Variants in TBX18 observed in about 807,000 individuals in gnomAD.
The protein encoded by TBX18 is T-box transcription factor TBX18.
In TBX18, 21 loss-of-function variants were observed where a neutral mutation model predicts 55.0. The observed-to-expected ratio is 0.38, with a 90% CI of 0.27 to 0.55. The LOEUF (loss-of-function observed/expected upper bound fraction) is 0.55, where lower values mean the gene tolerates loss of function less well. TBX18 is among the 20% of genes least tolerant of loss of function. TBX18 has a pLI of 0.73. For synonymous variants in TBX18, 342 were observed against 326.1 expected (o/e 1.05, Z -0.53); for missense variants, 840 against 799.6 (o/e 1.05, Z -0.61).
At position 84,736,247 on chromosome 6, in the gene TBX18, C is replaced by T. The variant is rs1000512183; in HGVS notation, c.*438G>A. The stretch of plus-strand genomic sequence containing the variant: ...CTGTGTCCAAGAATAACAGAAATCA[C>T]AAGACTCTACATGCTGGTTACTGCT... On this transcript the variant is annotated 3_prime_UTR_variant, in exon 8 of 8. Coordinates refer to ENST00000369663, the MANE Select transcript of TBX18 (RefSeq NM_001080508.3). The T allele has an allele frequency of 1.3e-5, 2 of 152,864 alleles. No individual in the cohort carries two copies. The highest frequency in any genetic ancestry group is 4.8e-5 in the African/African-American group (2 of 41,466). The allele number at this position is 152,864 out of a possible 1,614,324, so 9.5% of individuals were successfully genotyped here. A position where few individuals can be genotyped will look rare whatever the true frequency, so the allele number is the denominator to read the frequency against.
chr6:84,743,934 T>C (rs1468923311), intron 6 of TBX18, among the ~76,000 whole-genome samples: 5 of 152,084 alleles, frequency 3.3e-5, no homozygotes, highest in Non-Finnish European at 5.9e-5. Flanking sequence ...TCTAAACCAA[T>C]AGTAGAGGCA....
Position 84,737,336 on chromosome 6 carries a change from A to C in TBX18, c.1173T>G (p.Ser391=). The C allele has an allele frequency of 6.3e-7, 1 of 1,585,980 alleles. No homozygotes were observed. Among genetic ancestry groups the C allele is most frequent in the South Asian group, 1.2e-5 (1 of 85,068 alleles). The part of the protein sequence containing the change: ...GVPATHPHLL[S]GSSCSSPAFH... ...AGGCAGGAGAGGAGCAAGAGGAGCC[A>C]GACAAAAGGTGAGGGTGAGTGGCAG... is the stretch of plus-strand genomic sequence containing the variant. Residue 391 remains serine (S), a synonymous_variant, in exon 8 of 8, where the codon TCT becomes TCG. Transcript: ENST00000369663.
intron 2 of TBX18, 98 bp downstream of exon 2, chr6:84,762,446 C>A: frequency 2.9e-6 from 4 of 1,402,672 alleles, no homozygotes; most frequent in East Asian, 2.3e-5. Context: ...TATCCAGAAC[C>A]CCCACCGAGC....
chr6:84,757,963 A>C (rs1324268508), intron 3 of TBX18, among the ~76,000 whole-genome samples: 2 of 152,174 alleles, frequency 1.3e-5, no homozygotes, highest in East Asian at 3.8e-4. Flanking sequence ...TTTTTATAAG[A>C]GCATAAAATA....
At chr6:84,738,378 G>T in intron 7 of TBX18, 119 bp downstream of exon 7, 1 of 832,248 alleles carries the variant, frequency 1.2e-6, no homozygotes, top group Non-Finnish European at 2.1e-6. Flanking sequence ...GAATCTGTAG[G>T]ACAATGCTGG....
At chr6:84,762,917 CATTCTGCCTGTCG>C in intron 1 of TBX18, 169 bp from the exon 2 acceptor site, 1 of 649,802 alleles carries the variant, frequency 1.5e-6, no homozygotes, top group South Asian at 1.9e-5. Context: ...TAGACACCCA[CATTCTGCCTGTCG>C]AAGGGGCGCA....
In TBX18 at chr6:84,738,484, C is replaced by T; in HGVS notation, c.1099+13G>A. On this transcript the variant is annotated intron_variant, in intron 7 of 7. Transcript: ENST00000369663. ...CGGGCTGTATATATGACCCAGGAGACTTTGTGAGTTACCTTGCTTGGGAAT... is the reference window on the plus strand; with the variant it reads ...CGGGCTGTATATATGACCCAGGAGATTTTGTGAGTTACCTTGCTTGGGAAT... 2 of 1,611,326 alleles carry T rather than the reference C, an allele frequency of 1.2e-6. No individual in the cohort carries two copies. Among genetic ancestry groups the T allele is most frequent in the Non-Finnish European group, 8.5e-7 (1 of 1,177,494 alleles).
chr6:84,733,324 T>C lies in TBX18; in HGVS notation c.*3361A>G, dbSNP rs958613574. On this transcript the variant is annotated 3_prime_UTR_variant, in exon 8 of 8. Coordinates refer to ENST00000369663, the MANE Select transcript of TBX18 (RefSeq NM_001080508.3). ...CTCAACTTATCTGAGCATTTCTTTT[T>C]AGAAAGGATGAACAATGAGATTAAA... The C allele has an allele frequency of 5.9e-5, 9 of 152,188 alleles. No individual in the cohort carries two copies. The highest frequency in any genetic ancestry group is 1.5e-5 in the Non-Finnish European group (1 of 68,014). The allele number at this position is 152,188 out of a possible 1,614,324, so 9.4% of individuals were successfully genotyped here.
At chr6:84,744,352 A>G in intron 5 of TBX18, 27 bp from the exon 6 acceptor site, 1 of 1,598,158 alleles carries the variant, frequency 6.3e-7, no homozygotes, top group African/African-American at 1.3e-5. Flanking sequence ...AAAAATATCA[A>G]ATCTTATATA....
rs1773886196 is a variant in TBX18, at chr6:84,734,456, A to G, written c.*2229T>C. Reference sequence around the variant, plus strand: ...AAATCATAAAAGGGTTTAATAACATATTTTAATATAATTTTAAGTACTTTT... The same window carrying G: ...AAATCATAAAAGGGTTTAATAACATGTTTTAATATAATTTTAAGTACTTTT... On this transcript the variant is annotated 3_prime_UTR_variant, in exon 8 of 8. Coordinates refer to ENST00000369663, the MANE Select transcript of TBX18 (RefSeq NM_001080508.3). 1 of 152,458 alleles carries G rather than the reference A, an allele frequency of 6.6e-6. No individual in the cohort carries two copies. Among genetic ancestry groups the G allele is most frequent in the Admixed American group, 6.5e-5 (1 of 15,280 alleles). 9.4% of individuals were successfully genotyped at this position (152,458 alleles called of 1,614,324 possible).
At chr6:84,738,313 G>A (rs958370156) in intron 7 of TBX18, among the ~76,000 whole-genome samples, 184 bp downstream of exon 7, 1 of 152,120 alleles carries the variant, frequency 6.6e-6, no homozygotes, top group African/African-American at 2.4e-5. Context: ...TTTAATCTGT[G>A]ACCATGAGAG....
Position 84,756,810 on chromosome 6 carries a change from G to T in TBX18, c.659C>A (p.Pro220His). ...VAGNADSPVP[P>H]RVYIHPDSPA... ...CGAGTCTGGATGAATGTACACACGG[G>T]GTGGCACAGGCGAGTCAGCATTACC... is the stretch of plus-strand genomic sequence containing the variant. The change falls in exon 4 of 8, where the codon CCC becomes CAC. Residue 220 changes from proline (P) to histidine (H), a missense_variant. Coordinates refer to ENST00000369663, the MANE Select transcript of TBX18 (RefSeq NM_001080508.3). The T allele has an allele frequency of 6.2e-7, 1 of 1,614,028 alleles. No homozygotes were observed. The highest frequency in any genetic ancestry group is 8.5e-7 in the Non-Finnish European group (1 of 1,179,998).
chr6:84,762,622 C>A lies in TBX18; in HGVS notation c.419G>T (p.Arg140Leu). 1 of 1,613,006 alleles carries A rather than the reference C, an allele frequency of 6.2e-7. No homozygotes were observed. Among genetic ancestry groups the A allele is most frequent in the Non-Finnish European group, 8.5e-7 (1 of 1,179,590 alleles). The change falls in exon 2 of 8, where the codon CGG (arginine) becomes CTG (leucine). Residue 140 changes from arginine (R) to leucine (L), a missense_variant. Coordinates refer to ENST00000369663, the MANE Select transcript of TBX18 (RefSeq NM_001080508.3). ...GTPLPSPQAP[R>L]VDLQGAELWK... Reference sequence around the variant, plus strand: ...GAGCTCGGCTCCCTGCAGATCCACCCGCGGGGCCTGCGGCGAGGGCAGAGG... The same window carrying A: ...GAGCTCGGCTCCCTGCAGATCCACCAGCGGGGCCTGCGGCGAGGGCAGAGG...
At chr6:84,744,531 A>C (rs917979484) in intron 5 of TBX18, among the ~76,000 whole-genome samples, 2 of 152,182 alleles carry the variant, frequency 1.3e-5, no homozygotes, top group Non-Finnish European at 2.9e-5. Context: ...GCTCTAAAAA[A>C]GATACTTCAC....
rs1224670751 is a variant in TBX18, at chr6:84,736,842, C to G, written c.1667G>C (p.Gly556Ala). The change falls in exon 8 of 8, where the codon GGG becomes GCG. Residue 556 changes from glycine to alanine, a missense_variant. Physicochemically the swap from Gly to Ala is moderately conservative, Grantham distance 60. Transcript: ENST00000369663. ...CGTCATGGTCCCACTCGGTGAGGAC[C>G]CCAAGAAACTTCCTTGGGAAGAAAC... is the stretch of plus-strand genomic sequence containing the variant. ...KIVSSQGSFLGSSPSGTMTDR... is the reference protein window; with the variant it reads ...KIVSSQGSFLASSPSGTMTDR... 6.2e-7 allele frequency: 1 copy of G among 1,613,554 alleles called. No homozygotes were observed. The highest frequency in any genetic ancestry group is 8.5e-7 in the Non-Finnish European group (1 of 1,179,904).
chr6:84,762,401 C>T (rs535263379), intron 2 of TBX18, 143 bp downstream of exon 2: 4 of 977,876 alleles, frequency 4.1e-6, no homozygotes, highest in East Asian at 2.4e-5. Context: ...AAGTGAACCA[C>T]GGTCTGGGGC....
chr6:84,738,219 C>T (rs1343065985), intron 7 of TBX18, among the ~76,000 whole-genome samples: 1 of 152,130 alleles, frequency 6.6e-6, no homozygotes, highest in Non-Finnish European at 1.5e-5. Context: ...CAGGACCTGG[C>T]ATCAGAGCAC....
chr6:84,740,973 G>A (rs1269922333), intron 6 of TBX18: 1 of 152,152 alleles, frequency 6.6e-6, no homozygotes. Flanking sequence ...AGAAGTTATT[G>A]ATCATCACAA....
intron 6 of TBX18, 92 bp downstream of exon 6, chr6:84,744,169 A>C: frequency 8.9e-7 from 1 of 1,117,388 alleles, no homozygotes; most frequent in Non-Finnish European, 1.3e-6. Context: ...ATATCGTATT[A>C]GTAAATTTAG....
Sources: allele counts gnomAD v4.1 joint callset (sites outside exome capture counted in the v4.1 genomes callset), GRCh38; gene constraint gnomAD v4.1.1; transcripts MANE v1.5; gene names NCBI Gene and HGNC (gene_info 2026-07-23, HGNC 2026-07-21).